PALM2AKAP2: variants seen among roughly 807,000 people sequenced by gnomAD.
PALM2AKAP2 encodes PALM2-AKAP2 fusion protein.
Under a neutral mutation model 71.5 loss-of-function variants are expected in PALM2AKAP2, and 37 were observed. The observed-to-expected ratio is 0.52, with a 90% CI of 0.40 to 0.68. The LOEUF is 0.68. Among genes scored for constraint, PALM2AKAP2 ranks in the 30% least tolerant of loss-of-function variants. The probability of loss-of-function intolerance (pLI) is 0.00; values close to 1 mark genes in which losing one functional copy is unlikely to be tolerated. For missense variants in PALM2AKAP2, 1,224 were observed against 1,191.8 expected, an observed-to-expected ratio of 1.03 and a Z score of -0.40; for synonymous variants, 468 against 478.8, an observed-to-expected ratio of 0.98 and a Z score of 0.29.
chr9:109,803,332 T>C (rs1235892745), intron 1 of PALM2AKAP2, among the ~76,000 whole-genome samples: 1 of 152,192 alleles, frequency 6.6e-6, no homozygotes, highest in Non-Finnish European at 1.5e-5. Context: ...TGTTGGCACT[T>C]GGATCTGGTA....
At chr9:109,936,238 C>A (rs1831215322) in intron 6 of PALM2AKAP2, among the ~76,000 whole-genome samples, 1 of 152,160 alleles carries the variant, frequency 6.6e-6, no homozygotes, top group African/African-American at 2.4e-5. Flanking sequence ...TGGGAACATT[C>A]AAAAATCTTC....
chr9:109,726,197 A>AT (rs1246679992), intron 1 of PALM2AKAP2, among the ~76,000 whole-genome samples: 3 of 152,208 alleles, frequency 2.0e-5, no homozygotes, highest in Admixed American at 2.0e-4. Flanking sequence ...GAGCATAGAC[A>AT]TATGACCTGG....
intron 1 of PALM2AKAP2, among the ~76,000 whole-genome samples, chr9:109,857,243 C>A (rs977377959): frequency 2.6e-5 from 4 of 152,192 alleles, no homozygotes; most frequent in African/African-American, 7.2e-5. Context: ...AATTGAGAAC[C>A]TTCCCAACTG....
chr9:109,878,808 G>A (rs2131748025), intron 2 of PALM2AKAP2, among the ~76,000 whole-genome samples: 1 of 152,308 alleles, frequency 6.6e-6, no homozygotes, highest in South Asian at 2.1e-4. Context: ...CATGATCTCA[G>A]CCCACTGCAA....
intron 1 of PALM2AKAP2, among the ~76,000 whole-genome samples, chr9:110,108,244 C>G (rs1414149524): frequency 6.6e-6 from 1 of 151,454 alleles, no homozygotes; most frequent in East Asian, 1.9e-4. Flanking sequence ...TCCTGAGTAG[C>G]TGGGATTAAG....
At chr9:110,165,239 A>G (rs925409272) in intron 3 of PALM2AKAP2, among the ~76,000 whole-genome samples, 4 of 151,894 alleles carry the variant, frequency 2.6e-5, no homozygotes, top group Non-Finnish European at 2.9e-5. Flanking sequence ...TGAAGTTAAT[A>G]TGCAGTAATA....
rs112019747 is a variant in PALM2AKAP2, at chr9:109,880,674, A to C, written c.250A>C (p.Ile84Leu). The C allele has an allele frequency of 3.3e-5, 54 of 1,613,906 alleles. No individual in the cohort carries two copies. In the East Asian group the frequency reaches 1.1e-3, roughly 34 times the overall value. Residue 84 changes from isoleucine (I) to leucine (L), a missense_variant, in exon 3 of 10, where the codon ATT becomes CTT. Ile to Leu is a conservative substitution (Grantham distance 5, BLOSUM62 2). Transcript: ENST00000302798. ...CAGAGTCAAGCAACTTGAAGATAAC[A>C]TTCAGAGGTAGGTGGCTTCCAGCCC...
chr9:110,162,790 C>A (rs1836634644), intron 3 of PALM2AKAP2, among the ~76,000 whole-genome samples: 1 of 152,246 alleles, frequency 6.6e-6, no homozygotes, highest in Non-Finnish European at 1.5e-5. Flanking sequence ...GTAGCCTTAA[C>A]CTCCTGGGCT....
intron 7 of PALM2AKAP2, chr9:110,024,869 T>A (rs1588064719): frequency 2.3e-6 from 2 of 861,860 alleles, no homozygotes; most frequent in East Asian, 4.8e-5. Context: ...TTATTTATTT[T>A]TTAAACACCT....
At chr9:110,027,278 T>C (rs1301637864) in intron 7 of PALM2AKAP2, among the ~76,000 whole-genome samples, 1 of 152,168 alleles carries the variant, frequency 6.6e-6, no homozygotes, top group Admixed American at 6.5e-5. Context: ...TTGAATTTTG[T>C]TTATCCAACG....
chr9:109,830,323 C>A (rs1231514091), intron 1 of PALM2AKAP2, among the ~76,000 whole-genome samples: 1 of 152,188 alleles, frequency 6.6e-6, no homozygotes, highest in African/African-American at 2.4e-5. Context: ...TCCAAATAGA[C>A]CATAGGGTCA....
intron 2 of PALM2AKAP2, among the ~76,000 whole-genome samples, chr9:110,146,080 A>G (rs1322832974): frequency 6.6e-6 from 1 of 151,456 alleles, no homozygotes; most frequent in Non-Finnish European, 1.5e-5. Flanking sequence ...TTGTATTTTT[A>G]GTAGAGATGG....
At chr9:109,841,439 A>G (rs1208615922) in intron 1 of PALM2AKAP2, among the ~76,000 whole-genome samples, 2 of 140,272 alleles carry the variant, frequency 1.4e-5, no homozygotes, top group East Asian at 4.2e-4. Context: ...TGGGTGCAGC[A>G]CACCAACATG....
intron 1 of PALM2AKAP2, among the ~76,000 whole-genome samples, chr9:109,755,463 G>A (rs56971823): frequency 0.3 from 46,295 of 151,820 alleles, 7,214 homozygotes; most frequent in Middle Eastern, 0.4. Flanking sequence ...TTTGCATGGC[G>A]CACACCTTGT....
At chr9:110,022,427 G>A (rs1833088783) in intron 7 of PALM2AKAP2, among the ~76,000 whole-genome samples, 1 of 152,086 alleles carries the variant, frequency 6.6e-6, no homozygotes. Flanking sequence ...ACTCTTGCAG[G>A]CACTGTGTTT....
intron 1 of PALM2AKAP2, among the ~76,000 whole-genome samples, chr9:109,798,741 G>A (rs546335353): frequency 6.6e-6 from 1 of 152,300 alleles, no homozygotes; most frequent in East Asian, 1.9e-4. Context: ...TGCCTCATAT[G>A]TTCACAGTTA....
chr9:109,970,098 C>A (rs939735575), intron 6 of PALM2AKAP2, among the ~76,000 whole-genome samples: 1 of 152,144 alleles, frequency 6.6e-6, no homozygotes, highest in Non-Finnish European at 1.5e-5. Context: ...GGAACTTGAA[C>A]TCCCTGAGAA....
At chr9:110,048,619 GC>G (rs1409045445), upstream of PALM2AKAP2, 1 of 1,392,818 alleles carries the variant, frequency 7.2e-7, no homozygotes, top group African/African-American at 1.5e-5. Context: ...AAGCGAGGAG[GC>G]GGGGAAGGGG....
chr9:109,994,425 T>C (rs1205405271), intron 6 of PALM2AKAP2, among the ~76,000 whole-genome samples: 1 of 152,232 alleles, frequency 6.6e-6, no homozygotes, highest in Admixed American at 6.5e-5. Context: ...GGCTTTTTTG[T>C]TTCCAATCAT....
Sources: gnomAD v4.1 joint callset for allele counts (sites outside exome capture counted in the v4.1 genomes callset) on GRCh38, gnomAD v4.1.1 for gene constraint, MANE v1.5 for transcripts, NCBI Gene and HGNC (gene_info 2026-07-23, HGNC 2026-07-21) for gene names.